The following PIGN variants were observed in gnomAD, a reference collection of about 807,000 sequenced individuals.
PIGN encodes GPI ethanolamine phosphate transferase 1.
A neutral mutation model predicts 125.4 loss-of-function variants in PIGN; 117 were observed. That is an observed-to-expected ratio of 0.93 (90% confidence interval 0.80 to 1.09). PIGN has a LOEUF of 1.09. Ranked by LOEUF, PIGN falls within the 50% of genes least tolerant of loss-of-function variation. The probability of loss-of-function intolerance (pLI) is 0.00; values close to 1 mark genes in which losing one functional copy is unlikely to be tolerated. For missense variants in PIGN, 1,075 were observed against 1,094.9 expected (o/e 0.98, Z 0.26); for synonymous variants, 392 against 377.8 (o/e 1.04, Z -0.44).
chr18:62,179,321 C>T lies in PIGN; in HGVS notation c.-236+7523G>A, dbSNP rs150732350. Among the ~76,000 whole-genome samples, 231 of 152,340 alleles carry T rather than the reference C, an allele frequency of 1.5e-3. 1 individual carries two copies. Among genetic ancestry groups the T allele is most frequent in the African/African-American group, 5.2e-3 (215 of 41,574 alleles). On this transcript the variant is annotated intron_variant, in intron 1 of 30. Transcript: ENST00000640252. ...TACTATAGTTTTTGGTAGGAAGTCACTACGTGCAGCCAACACTTAAAGAGT... is the reference window on the plus strand; with the variant it reads ...TACTATAGTTTTTGGTAGGAAGTCATTACGTGCAGCCAACACTTAAAGAGT...
chr18:62,053,203 G>A (rs183612822), intron 30 of PIGN, among the ~76,000 whole-genome samples: 3 of 152,066 alleles, frequency 2.0e-5, no homozygotes, highest in Non-Finnish European at 2.9e-5. Flanking sequence ...AGGAGGTAAG[G>A]TTTCCATATA....
rs554432873 is a variant in PIGN, at chr18:62,087,419, T to G, written c.2370+1337A>C. Among the ~76,000 whole-genome samples the G allele has an allele frequency of 2.2e-4, 34 of 152,296 alleles. 2 individuals carry two copies. In the South Asian group the frequency reaches 7.0e-3, roughly 32 times the overall value. The stretch of plus-strand genomic sequence containing the variant: ...GGCAGAGACATCTGACAAATACTGA[T>G]AGAGCACTGCTACGTGCCAGGCATT... On this transcript the variant is annotated intron_variant, in intron 25 of 30. Coordinates refer to ENST00000640252, the MANE Select transcript of PIGN (RefSeq NM_176787.5).
chr18:62,059,436 T>G (rs1374473707), intron 30 of PIGN, among the ~76,000 whole-genome samples: 1 of 152,034 alleles, frequency 6.6e-6, no homozygotes, highest in Non-Finnish European at 1.5e-5. Context: ...ATAAACAGAA[T>G]GTGGTATATC....
At chr18:62,106,115 G>A (rs541216683) in intron 19 of PIGN, among the ~76,000 whole-genome samples, 1 of 152,290 alleles carries the variant, frequency 6.6e-6, no homozygotes, top group South Asian at 2.1e-4. Context: ...ACTGAGCCCA[G>A]AAGGAAAATA....
In PIGN at chr18:62,105,542, C is replaced by G. The variant is rs1319050307; in HGVS notation, c.1859+1G>C. 2 of 1,488,524 alleles carry G rather than the reference C, an allele frequency of 1.3e-6. No homozygotes were observed. Among genetic ancestry groups the G allele is most frequent in the African/African-American group, 2.8e-5 (2 of 71,798 alleles). The allele number at this position is 1,488,524 out of a possible 1,614,324, so 92.2% of individuals were successfully genotyped here. On this transcript the variant is annotated splice_donor_variant, in intron 20 of 30. Transcript: ENST00000640252. LOFTEE classifies it high-confidence loss of function. ...AGAATAAAATACAATATTATTCATA[C>G]ACTAGAGAGATGTCTGGCTTTCGAC...
intron 1 of PIGN, among the ~76,000 whole-genome samples, chr18:62,173,099 T>G (rs985684155): frequency 6.6e-6 from 1 of 152,218 alleles, no homozygotes; most frequent in Non-Finnish European, 1.5e-5. Flanking sequence ...AGATATATTT[T>G]CCTGCCAAAT....
rs1208917751 is a variant in PIGN, at chr18:62,088,817, T to C, written c.2309A>G (p.Asn770Ser). Residue 770 changes from asparagine (N) to serine (S), a missense_variant, in exon 25 of 31, where the codon AAT becomes AGT. Physicochemically the swap from Asn to Ser is conservative, Grantham distance 46. Coordinates refer to ENST00000640252, the MANE Select transcript of PIGN (RefSeq NM_176787.5). ...CTGTCGAAACTGAGTTATATCAGTATTATAAGAGAACTGGATACTGGTGAG... is the reference window on the plus strand; with the variant it reads ...CTGTCGAAACTGAGTTATATCAGTACTATAAGAGAACTGGATACTGGTGAG... ...QKLTSIQFSY[N>S]TDITQFRQLY... 1.3e-6 allele frequency: 2 copies of C among 1,554,302 alleles called. No individual in the cohort carries two copies. Among genetic ancestry groups the C allele is most frequent in the Admixed American group, 3.8e-5 (2 of 52,612 alleles).
At chr18:62,025,562 T>A (rs2030106678) in intron 23 of PIGN, among the ~76,000 whole-genome samples, 1 of 152,242 alleles carries the variant, frequency 6.6e-6, no homozygotes, top group Non-Finnish European at 1.5e-5. Context: ...CATGCCATGC[T>A]TAGCACTCCC....
At chr18:62,096,183 T>C (rs1406331348) in intron 22 of PIGN, among the ~76,000 whole-genome samples, 1 of 152,000 alleles carries the variant, frequency 6.6e-6, no homozygotes, top group Non-Finnish European at 1.5e-5. Flanking sequence ...TAATCCCAGC[T>C]ACTCAGGAGG....
At chr18:62,150,433 C>A (rs928391863) in intron 7 of PIGN, among the ~76,000 whole-genome samples, 1 of 152,260 alleles carries the variant, frequency 6.6e-6, no homozygotes, top group East Asian at 1.9e-4. Flanking sequence ...CTAAGTCGAA[C>A]TGGAAATAGG....
chr18:62,182,559 C>A (rs975060205), intron 1 of PIGN, among the ~76,000 whole-genome samples: 1 of 152,138 alleles, frequency 6.6e-6, no homozygotes, highest in Admixed American at 6.5e-5. Flanking sequence ...TCCATTGACA[C>A]CTCTATAATT....
At chr18:62,149,861 C>G (rs553480457) in intron 7 of PIGN, among the ~76,000 whole-genome samples, 1 of 152,302 alleles carries the variant, frequency 6.6e-6, no homozygotes, top group East Asian at 1.9e-4. Flanking sequence ...CAGCTGCCTA[C>G]TGCCAGCATT....
intron 1 of PIGN, among the ~76,000 whole-genome samples, chr18:62,167,875 T>C (rs2037210088): frequency 6.6e-6 from 1 of 151,994 alleles, no homozygotes; most frequent in East Asian, 1.9e-4. Context: ...TAACGGTGTA[T>C]ATAAAAAAAC....
chr18:62,085,844 C>T (rs901628375), intron 25 of PIGN, among the ~76,000 whole-genome samples: 1 of 152,218 alleles, frequency 6.6e-6, no homozygotes, highest in African/African-American at 2.4e-5. Context: ...TGTCCAAGAA[C>T]TTACTGCTAG....
intron 19 of PIGN, among the ~76,000 whole-genome samples, chr18:62,106,550 T>G (rs1163942586): frequency 6.6e-6 from 1 of 152,146 alleles, no homozygotes; most frequent in Non-Finnish European, 1.5e-5. Context: ...GAGATGGACA[T>G]ATCAGTACAA....
intron 2 of PIGN, 57 bp from the exon 3 acceptor site, chr18:62,162,386 G>C (rs77488249): frequency 5.3e-5 from 8 of 151,964 alleles, no homozygotes; most frequent in Non-Finnish European, 1.2e-4. Flanking sequence ...GTAATGTAAC[G>C]GCATTAGCTA....
rs1445203568 is a variant in PIGN, at chr18:62,175,036, A to AT, written c.-235-11381dup. 1.2e-4 allele frequency among the ~76,000 whole-genome samples: 18 copies of AT among 145,126 alleles called. No homozygotes were observed. The East Asian group carries it at 2.4e-3, about 19-fold the overall frequency. On this transcript the variant is annotated intron_variant, in intron 1 of 30. Coordinates refer to ENST00000640252, the MANE Select transcript of PIGN (RefSeq NM_176787.5). The stretch of plus-strand genomic sequence containing the variant: ...CATAAACATTATATATATTAGATAT[A>AT]TATTATAAATATATATTTTTATATA...
intron 30 of PIGN, among the ~76,000 whole-genome samples, chr18:62,056,043 G>T (rs1411905121): frequency 1.7e-5 from 2 of 119,682 alleles, no homozygotes; most frequent in African/African-American, 3.1e-5. Context: ...AGTAATTGTG[G>T]TTTTTGCCAC....
chr18:62,095,112 C>G (rs1223893241), intron 23 of PIGN, among the ~76,000 whole-genome samples: 4 of 152,158 alleles, frequency 2.6e-5, no homozygotes, highest in Non-Finnish European at 5.9e-5. Context: ...AATCAAGATT[C>G]TGTATTTGGG....
Sources: allele counts gnomAD v4.1 joint callset (sites outside exome capture counted in the v4.1 genomes callset), GRCh38; gene constraint gnomAD v4.1.1; transcripts MANE v1.5; gene names NCBI Gene and HGNC (gene_info 2026-07-23, HGNC 2026-07-21).